Variants in SYNGR1 observed in about 807,000 individuals in gnomAD.
SYNGR1 encodes the protein synaptogyrin 1.
SYNGR1 carries 14 observed loss-of-function variants against 26.1 expected under a neutral mutation model. The observed-to-expected ratio is 0.54, with a 90% confidence interval of 0.35 to 0.84. The LOEUF (loss-of-function observed/expected upper bound fraction) is 0.84. SYNGR1 is among the 40% of genes least tolerant of loss of function. The pLI is 0.01. For synonymous variants in SYNGR1, 141 were observed against 150.1 expected, an observed-to-expected ratio of 0.94 and a Z score of 0.44; for missense variants, 319 against 332.9, an observed-to-expected ratio of 0.96 and a Z score of 0.33.
At chr22:39,359,840 C>T (rs1350967889) in intron 1 of SYNGR1, among the ~76,000 whole-genome samples, 1 of 152,026 alleles carries the variant, frequency 6.6e-6, no homozygotes, top group Non-Finnish European at 1.5e-5. Flanking sequence ...CCTGCCTTCC[C>T]AGTAGCCTCT....
intron 2 of SYNGR1, 125 bp downstream of exon 2, chr22:39,374,678 G>A (rs1240585106): frequency 9.6e-7 from 1 of 1,044,186 alleles, no homozygotes. Context: ...CGGGTGAAGG[G>A]ATGGACTCAG....
intron 2 of SYNGR1, chr22:39,375,804 C>G (rs1418887442): frequency 1.6e-6 from 1 of 631,278 alleles, no homozygotes; most frequent in Non-Finnish European, 2.9e-6. Context: ...CTCTGACTGG[C>G]CCTGACCCTG....
rs185115646 is a variant in SYNGR1, at chr22:39,359,049, C to T, written c.99+8940C>T. 4.3e-3 allele frequency among the ~76,000 whole-genome samples: 659 copies of T among 152,344 alleles called. 20 individuals are homozygous for T. The South Asian group carries it at 0.066, about 15-fold the overall frequency. On this transcript the variant is annotated intron_variant, in intron 1 of 3. Coordinates refer to ENST00000328933, the MANE Select transcript of SYNGR1 (RefSeq NM_004711.5). ...ACCTCACAGTGCAGGGGGCAAGAGT[C>T]CCTGAGCCTTCAGCCCCTCCCAGAA...
intron 1 of SYNGR1, among the ~76,000 whole-genome samples, chr22:39,360,611 C>G (rs567883974): frequency 4.6e-5 from 7 of 152,316 alleles, no homozygotes; most frequent in Admixed American, 2.0e-4. Flanking sequence ...ACCCTCACCC[C>G]GCTCGTCCTC....
intron 1 of SYNGR1, among the ~76,000 whole-genome samples, chr22:39,357,562 C>CTGCG (rs1292791108): frequency 1.3e-5 from 2 of 152,024 alleles, no homozygotes; most frequent in Non-Finnish European, 2.9e-5. Flanking sequence ...GGAACCGGGG[C>CTGCG]TGCGTGCGGC....
At chr22:39,381,497 G>T (rs936779700) in intron 3 of SYNGR1, among the ~76,000 whole-genome samples, 199 bp from the exon 4 acceptor site, 2 of 152,088 alleles carry the variant, frequency 1.3e-5, no homozygotes, top group African/African-American at 4.8e-5. Flanking sequence ...TATGGTTCTG[G>T]GCATTTCCGG....
intron 1 of SYNGR1, chr22:39,364,050 C>T: frequency 1.5e-6 from 2 of 1,377,732 alleles, no homozygotes; most frequent in Non-Finnish European, 2.0e-6. Flanking sequence ...CCTTCGTTAG[C>T]CGACGCCCTG....
At chr22:39,380,692 G>A (rs541457347) in intron 3 of SYNGR1, among the ~76,000 whole-genome samples, 1 of 147,882 alleles carries the variant, frequency 6.8e-6, no homozygotes, top group Admixed American at 6.8e-5. Flanking sequence ...GCTGTCTCAG[G>A]GTACTGCAAC....
At chr22:39,367,878 C>T (rs1007542951) in intron 1 of SYNGR1, among the ~76,000 whole-genome samples, 4 of 151,914 alleles carry the variant, frequency 2.6e-5, no homozygotes, top group African/African-American at 9.7e-5. Context: ...CAGGCCTTGT[C>T]CCGCTGCATG....
At chr22:39,378,777 C>T (rs1323959000) in intron 3 of SYNGR1, among the ~76,000 whole-genome samples, 2 of 152,222 alleles carry the variant, frequency 1.3e-5, no homozygotes, top group African/African-American at 4.8e-5. Flanking sequence ...CCTGGGCTCT[C>T]AGTAGAACTC....
At chr22:39,376,472 CCA>C (rs1251582067) in intron 3 of SYNGR1, among the ~76,000 whole-genome samples, 4 of 151,670 alleles carry the variant, frequency 2.6e-5, no homozygotes, top group East Asian at 1.9e-4. Flanking sequence ...CACCCCCCCC[CCA>C]AACCACTCTG....
At chr22:39,369,258 G>C (rs193220304) in intron 1 of SYNGR1, among the ~76,000 whole-genome samples, 6 of 152,284 alleles carry the variant, frequency 3.9e-5, no homozygotes. Flanking sequence ...GCAGTCCCTG[G>C]AGTTGTGCAG....
At chr22:39,360,890 T>C (rs1272401358) in intron 1 of SYNGR1, among the ~76,000 whole-genome samples, 1 of 152,074 alleles carries the variant, frequency 6.6e-6, no homozygotes, top group Non-Finnish European at 1.5e-5. Context: ...CCTGCTGGGG[T>C]GTACGCTTGG....
Position 39,357,340 on chromosome 22 carries a change from C to G in SYNGR1, c.99+7231C>G, listed in dbSNP as rs568632824. 2.6e-3 allele frequency among the ~76,000 whole-genome samples: 399 copies of G among 152,294 alleles called. 4 individuals are homozygous for G. The highest frequency in any genetic ancestry group is 7.7e-3 in the Admixed American group (117 of 15,294). On this transcript the variant is annotated intron_variant, in intron 1 of 3. Transcript: ENST00000328933. Reference sequence around the variant, plus strand: ...CCTGCAGCAGAGGGGGCACTGGGCCCCAGGTCTATGCATGGGAGTGAGAGG... The same window carrying G: ...CCTGCAGCAGAGGGGGCACTGGGCCGCAGGTCTATGCATGGGAGTGAGAGG...
At position 39,374,318 on chromosome 22, in the gene SYNGR1, G is replaced by T; in HGVS notation, c.102G>T (p.Leu34=). ...AGGTGTGGCCCCACCCCCGACAGCT[G>T]TTCTCCATAGTGGTGTTCGGCTCCA... The part of the protein sequence containing the change: ...PHTILRVVSW[L]FSIVVFGSIV... The change falls in exon 2 of 4, where the codon CTG becomes CTT. Residue 34 remains leucine (L), a splice_region_variant and synonymous_variant. Transcript: ENST00000328933. The T allele has an allele frequency of 6.2e-7, 1 of 1,613,884 alleles. No homozygotes were observed.
rs1925599746 is a variant in SYNGR1 at position 39,384,590 on chromosome 22, T to C, written c.*2676T>C. Reference sequence around the variant, plus strand: ...CTGGAAGGTTCATGGGGAAACTCGCTCCTTCTGTTGGCAGAGGACAGCCCC... The same window carrying C: ...CTGGAAGGTTCATGGGGAAACTCGCCCCTTCTGTTGGCAGAGGACAGCCCC... On this transcript the variant is annotated 3_prime_UTR_variant, in exon 4 of 4. Coordinates refer to ENST00000328933, the MANE Select transcript of SYNGR1 (RefSeq NM_004711.5). 2.5e-6 allele frequency: 1 copy of C among 398,806 alleles called. No individual in the cohort carries two copies. Among genetic ancestry groups the C allele is most frequent in the African/African-American group, 2.1e-5 (1 of 48,710 alleles). 24.7% of individuals were successfully genotyped at this position (398,806 alleles called of 1,614,324 possible).
At chr22:39,356,034 AAAAG>A (rs1201074548) in intron 1 of SYNGR1, among the ~76,000 whole-genome samples, 25 of 152,294 alleles carry the variant, frequency 1.6e-4, no homozygotes, top group Admixed American at 3.3e-4. Context: ...AAAGAAAAGA[AAAAG>A]AAAGAAAGGA....
In SYNGR1 at chr22:39,376,930, G is replaced by A. The variant is rs1002722250; in HGVS notation, c.483+733G>A. The stretch of plus-strand genomic sequence containing the variant: ...CAAAGTATGTCTCTGGGCCCAGCAG[G>A]CCCTGGGCTGGCAGCTCGGCTGGCC... On this transcript the variant is annotated intron_variant, in intron 3 of 3. Coordinates refer to ENST00000328933, the MANE Select transcript of SYNGR1 (RefSeq NM_004711.5). The A allele has an allele frequency of 1.9e-6, 3 of 1,545,284 alleles. No individual in the cohort carries two copies. In the African/African-American group the frequency reaches 4.1e-5, roughly 21 times the overall value.
Position 39,382,105 on chromosome 22 carries a change from C to G in SYNGR1, c.*191C>G, listed in dbSNP as rs1938959704. 1.5e-6 allele frequency: 1 copy of G among 651,528 alleles called. No individual in the cohort carries two copies. Among genetic ancestry groups the G allele is most frequent in the Non-Finnish European group, 2.7e-6 (1 of 372,946 alleles). The allele number at this position is 651,528 out of a possible 1,614,324, so 40.4% of individuals were successfully genotyped here. On this transcript the variant is annotated 3_prime_UTR_variant, in exon 4 of 4. Transcript: ENST00000328933. ...ACTGTCTACGTATGTGCAAGTATAT[C>G]CCAGGGCATGTGCCCCGCAGGGGCC...
Sources: gnomAD v4.1 joint callset for allele counts (sites outside exome capture counted in the v4.1 genomes callset) on GRCh38, gnomAD v4.1.1 for gene constraint, MANE v1.5 for transcripts, NCBI Gene and HGNC (gene_info 2026-07-23, HGNC 2026-07-21) for gene names.